GRID2: variants seen among roughly 807,000 people sequenced by gnomAD.
GRID2 encodes glutamate receptor ionotropic, delta-2.
In GRID2, 33 loss-of-function variants were observed where a neutral mutation model predicts 114.8. The ratio of observed to expected loss-of-function variants is 0.29; its 90% CI spans 0.22 to 0.38. GRID2 has a LOEUF of 0.38. Ranked by LOEUF, GRID2 falls within the 10% of genes least tolerant of loss-of-function variation. GRID2 has a pLI of 1.00. For synonymous variants in GRID2, 505 were observed against 449.9 expected, an observed-to-expected ratio of 1.12 and a Z score of -1.55; for missense variants, 1,184 against 1,257.7, an observed-to-expected ratio of 0.94 and a Z score of 0.89.
intron 1 of GRID2, among the ~76,000 whole-genome samples, chr4:92,529,926 T>C (rs1216058947): frequency 6.6e-6 from 1 of 152,032 alleles, no homozygotes; most frequent in African/African-American, 2.4e-5. Flanking sequence ...CCGGCTACAA[T>C]TACATATGGG....
intron 2 of GRID2, among the ~76,000 whole-genome samples, chr4:92,677,612 G>A (rs922220694): frequency 2.6e-5 from 4 of 152,010 alleles, no homozygotes; most frequent in Admixed American, 6.6e-5. Context: ...ATTACATTCC[G>A]TCTCAGTGGG....
chr4:92,994,695 A>G (rs1755095970), intron 2 of GRID2, among the ~76,000 whole-genome samples: 2 of 152,180 alleles, frequency 1.3e-5, no homozygotes, highest in South Asian at 2.1e-4. Context: ...CATGCAACAT[A>G]TAGAACTGGG....
chr4:92,871,422 G>A (rs1745270688), intron 2 of GRID2, among the ~76,000 whole-genome samples: 1 of 151,936 alleles, frequency 6.6e-6, no homozygotes, highest in Non-Finnish European at 1.5e-5. Flanking sequence ...ACTTAACCTA[G>A]AAGGTCCCTA....
chr4:93,281,143 TG>T (rs1462402064), intron 8 of GRID2, among the ~76,000 whole-genome samples: 5 of 151,578 alleles, frequency 3.3e-5, no homozygotes, highest in Non-Finnish European at 7.4e-5. Context: ...ATGAGGGGCA[TG>T]GGGGCACGAG....
At chr4:92,929,806 A>G (rs1440881449) in intron 2 of GRID2, among the ~76,000 whole-genome samples, 4 of 151,342 alleles carry the variant, frequency 2.6e-5, no homozygotes, top group African/African-American at 4.8e-5. Flanking sequence ...GTGTAAAATG[A>G]TATTATTAAT....
intron 14 of GRID2, among the ~76,000 whole-genome samples, chr4:93,710,861 C>A (rs890132375): frequency 1.3e-5 from 2 of 152,018 alleles, no homozygotes; most frequent in Non-Finnish European, 2.9e-5. Context: ...CCATGGCCAC[C>A]ACTGCCCCAG....
intron 5 of GRID2, among the ~76,000 whole-genome samples, chr4:93,213,573 A>G (rs1213231771): frequency 2.0e-5 from 3 of 152,218 alleles, no homozygotes; most frequent in Non-Finnish European, 4.4e-5. Flanking sequence ...GCTAAGAGGT[A>G]TAAGAATGGG....
At chr4:92,571,442 T>A (rs1161344131) in intron 1 of GRID2, among the ~76,000 whole-genome samples, 1 of 152,054 alleles carries the variant, frequency 6.6e-6, no homozygotes, top group Non-Finnish European at 1.5e-5. Context: ...TGCGAGACTT[T>A]AACACCCCAC....
intron 13 of GRID2, among the ~76,000 whole-genome samples, chr4:93,579,610 G>T (rs1005954107): frequency 1.3e-5 from 2 of 152,172 alleles, no homozygotes; most frequent in African/African-American, 4.8e-5. Flanking sequence ...TGTTGAAAGA[G>T]ACAGTGGTCT....
chr4:93,546,584 G>A (rs1173357283), intron 13 of GRID2, among the ~76,000 whole-genome samples: 1 of 152,130 alleles, frequency 6.6e-6, no homozygotes, highest in African/African-American at 2.4e-5. Flanking sequence ...CCTAGATCCT[G>A]CTTAGTTAAA....
chr4:92,773,253 C>T (rs2149353553), intron 2 of GRID2, among the ~76,000 whole-genome samples: 1 of 152,290 alleles, frequency 6.6e-6, no homozygotes, highest in Middle Eastern at 3.4e-3. Context: ...GCCACTCTGG[C>T]ATCAGTTGAA....
chr4:93,776,098 G>C (rs1734363523), downstream of GRID2, among the ~76,000 whole-genome samples: 1 of 152,170 alleles, frequency 6.6e-6, no homozygotes, highest in South Asian at 2.1e-4. Context: ...GAGATTATGT[G>C]CTGGTAAACA....
At chr4:93,366,635 C>T (rs1762364778) in intron 8 of GRID2, among the ~76,000 whole-genome samples, 1 of 152,056 alleles carries the variant, frequency 6.6e-6, no homozygotes. Context: ...CCTATTCACA[C>T]ACTCCCTCCC....
chr4:93,003,660 G>A (rs988964607), intron 2 of GRID2, among the ~76,000 whole-genome samples: 5 of 151,930 alleles, frequency 3.3e-5, no homozygotes, highest in Non-Finnish European at 7.4e-5. Flanking sequence ...TGGTGTCAGG[G>A]TACCTTGAAG....
chr4:92,882,559 C>T (rs1746104927), intron 2 of GRID2, among the ~76,000 whole-genome samples: 2 of 151,844 alleles, frequency 1.3e-5, no homozygotes, highest in Admixed American at 1.3e-4. Flanking sequence ...TAGAAAAACA[C>T]TCTGTTAATT....
rs561375804 is a variant in GRID2, at chr4:93,630,827, G to A, written c.2360+4392G>A. Among the ~76,000 whole-genome samples the A allele has an allele frequency of 3.9e-5, 6 of 152,176 alleles. No homozygotes were observed. The East Asian group carries it at 7.7e-4, about 20-fold the overall frequency. On this transcript the variant is annotated intron_variant, in intron 14 of 15. Coordinates refer to ENST00000282020, the MANE Select transcript of GRID2 (RefSeq NM_001510.4). ...ATCACAAAAAAAAGCAATAAAATTG[G>A]AAAAAATTCAAAATTTCTGATTTCA...
At chr4:92,869,841 T>C (rs913620660) in intron 2 of GRID2, among the ~76,000 whole-genome samples, 1 of 152,114 alleles carries the variant, frequency 6.6e-6, no homozygotes, top group Non-Finnish European at 1.5e-5. Context: ...AAAGAAGCCT[T>C]CCAGACCACC....
chr4:92,867,015 C>T (rs1744916516), intron 2 of GRID2, among the ~76,000 whole-genome samples: 1 of 152,118 alleles, frequency 6.6e-6, no homozygotes, highest in Middle Eastern at 3.2e-3. Context: ...TGTCTTCCTT[C>T]AGTCTTCCTG....
intron 2 of GRID2, among the ~76,000 whole-genome samples, chr4:92,606,393 T>C (rs1729453281): frequency 6.6e-6 from 1 of 152,034 alleles, no homozygotes; most frequent in Non-Finnish European, 1.5e-5. Flanking sequence ...CCTGGAACCT[T>C]TAGAATAGTG....
Sources: gnomAD v4.1 joint callset for allele counts (sites outside exome capture counted in the v4.1 genomes callset) on GRCh38, gnomAD v4.1.1 for gene constraint, MANE v1.5 for transcripts, NCBI Gene and HGNC (gene_info 2026-07-23, HGNC 2026-07-21) for gene names.